CDH13: variants seen among roughly 807,000 people sequenced by gnomAD.
The protein encoded by CDH13 is cadherin 13, also known as cadherin-13.
In CDH13, 24 loss-of-function variants were observed where a neutral mutation model predicts 63.8. The ratio of observed to expected loss-of-function variants is 0.38; its 90% CI spans 0.27 to 0.53. The LOEUF is 0.53. CDH13 is among the 20% of genes least tolerant of loss of function. The pLI is 0.85. For synonymous variants in CDH13, 503 were observed against 355.3 expected (o/e 1.42, Z -4.67); for missense variants, 1,049 against 903.1 (o/e 1.16, Z -2.07).
chr16:83,449,797 G>A (rs776332756), intron 6 of CDH13, among the ~76,000 whole-genome samples: 3 of 152,164 alleles, frequency 2.0e-5, no homozygotes, highest in Admixed American at 6.5e-5. Context: ...GGACGTTAAC[G>A]CTGGGACGTA....
chr16:83,645,304 C>G (rs1716856913), intron 8 of CDH13, among the ~76,000 whole-genome samples: 1 of 152,168 alleles, frequency 6.6e-6, no homozygotes. Flanking sequence ...AGCAGAAAAT[C>G]AACTACTGCA....
At chr16:83,691,683 T>C (rs1436273123) in intron 10 of CDH13, among the ~76,000 whole-genome samples, 2 of 151,920 alleles carry the variant, frequency 1.3e-5, no homozygotes, top group Non-Finnish European at 2.9e-5. Context: ...ATATCCTGAG[T>C]CTATGCAGGC....
intron 2 of CDH13, among the ~76,000 whole-genome samples, chr16:83,031,128 C>G (rs1916268566): frequency 6.7e-6 from 1 of 149,272 alleles, no homozygotes; most frequent in African/African-American, 2.5e-5. Context: ...GTATACATTA[C>G]ATGCACATAT....
intron 6 of CDH13, among the ~76,000 whole-genome samples, chr16:83,437,414 G>A (rs1171617422): frequency 6.6e-6 from 1 of 152,200 alleles, no homozygotes; most frequent in Admixed American, 6.5e-5. Context: ...GGTGGCTCAT[G>A]CCTGTAATCT....
At chr16:83,106,475 A>T (rs949906298) in intron 3 of CDH13, among the ~76,000 whole-genome samples, 4 of 152,234 alleles carry the variant, frequency 2.6e-5, no homozygotes, top group African/African-American at 9.6e-5. Context: ...CAGGAAGCAG[A>T]GGTTGCGGTG....
chr16:82,907,002 C>T lies in CDH13; in HGVS notation c.157+48529C>T, dbSNP rs113373633. ...CCAAATAAGGTTGCATTCTGAGGTTCTGGATGAACATGGATTTTGGGGAGG... is the reference window on the plus strand; with the variant it reads ...CCAAATAAGGTTGCATTCTGAGGTTTTGGATGAACATGGATTTTGGGGAGG... On this transcript the variant is annotated intron_variant, in intron 2 of 13. Transcript: ENST00000567109. 3.2e-3 allele frequency among the ~76,000 whole-genome samples: 489 copies of T among 152,288 alleles called. 1 individual carries two copies. Among genetic ancestry groups the T allele is most frequent in the Non-Finnish European group, 5.0e-3 (343 of 68,024 alleles).
At chr16:83,334,171 T>C (rs1597774470) in intron 5 of CDH13, among the ~76,000 whole-genome samples, 1 of 152,222 alleles carries the variant, frequency 6.6e-6, no homozygotes, top group Non-Finnish European at 1.5e-5. Context: ...CCTTCGCTTC[T>C]TCCTCCCTCT....
chr16:82,748,895 A>G (rs2034293222), intron 1 of CDH13, among the ~76,000 whole-genome samples: 1 of 152,206 alleles, frequency 6.6e-6, no homozygotes, highest in African/African-American at 2.4e-5. Flanking sequence ...TCATCCCAAC[A>G]GATACCTGCA....
intron 7 of CDH13, among the ~76,000 whole-genome samples, chr16:83,520,926 C>A (rs1350611150): frequency 7.2e-5 from 11 of 152,146 alleles, no homozygotes; most frequent in Admixed American, 7.2e-4. Flanking sequence ...GGCTGCCCCA[C>A]CAAGAGAAGT....
intron 6 of CDH13, among the ~76,000 whole-genome samples, chr16:83,420,853 G>A (rs2071693870): frequency 6.6e-6 from 1 of 152,182 alleles, no homozygotes; most frequent in African/African-American, 2.4e-5. Flanking sequence ...AGAGTCCAAA[G>A]GCTGAAGAAT....
intron 3 of CDH13, among the ~76,000 whole-genome samples, chr16:83,111,801 T>A (rs2035070298): frequency 6.6e-6 from 1 of 152,162 alleles, no homozygotes; most frequent in South Asian, 2.1e-4. Context: ...ATTTCATAGT[T>A]TCATCATTTT....
chr16:82,940,803 T>G (rs1051661522), intron 2 of CDH13, among the ~76,000 whole-genome samples: 14 of 152,168 alleles, frequency 9.2e-5, no homozygotes, highest in African/African-American at 3.4e-4. Context: ...AACCCTTATT[T>G]GAGCTCTTGT....
At chr16:83,746,281 G>A (rs1006299217) in intron 10 of CDH13, among the ~76,000 whole-genome samples, 3 of 152,140 alleles carry the variant, frequency 2.0e-5, no homozygotes, top group African/African-American at 7.2e-5. Context: ...GGTGGCTGCA[G>A]CATTCCTTGG....
intron 4 of CDH13, among the ~76,000 whole-genome samples, chr16:83,135,191 C>T (rs1404946928): frequency 2.6e-5 from 4 of 152,202 alleles, no homozygotes; most frequent in East Asian, 3.9e-4. Context: ...GGCAATCCTA[C>T]ACTCATTTCT....
chr16:83,536,293 A>G (rs935248292), intron 7 of CDH13, among the ~76,000 whole-genome samples: 1 of 152,192 alleles, frequency 6.6e-6, no homozygotes, highest in Non-Finnish European at 1.5e-5. Flanking sequence ...AGATAGTACA[A>G]GGTAAGAGGG....
chr16:82,836,933 C>G (rs936664410), intron 1 of CDH13, among the ~76,000 whole-genome samples: 6 of 152,200 alleles, frequency 3.9e-5, no homozygotes, highest in Admixed American at 2.6e-4. Flanking sequence ...CTTGAAGAAT[C>G]TTATTGCCAA....
At chr16:82,859,536 T>C (rs2151168151) in intron 2 of CDH13, 1 of 149,912 alleles carries the variant, frequency 6.7e-6, no homozygotes, top group South Asian at 2.1e-4. Context: ...CCAACCTGGG[T>C]GACAGAGCGA....
intron 2 of CDH13, among the ~76,000 whole-genome samples, chr16:82,924,478 T>A (rs1222435488): frequency 5.3e-5 from 8 of 152,222 alleles, no homozygotes; most frequent in Admixed American, 5.2e-4. Flanking sequence ...TTTCGGGCTT[T>A]TTCTCAGCTG....
intron 13 of CDH13, among the ~76,000 whole-genome samples, chr16:83,785,595 T>G (rs1915827405): frequency 6.6e-6 from 1 of 152,108 alleles, no homozygotes; most frequent in Non-Finnish European, 1.5e-5. Flanking sequence ...ATTTCTAGAG[T>G]GTAGGAATGT....
Sources: allele counts gnomAD v4.1 joint callset (sites outside exome capture counted in the v4.1 genomes callset), GRCh38; gene constraint gnomAD v4.1.1; transcripts MANE v1.5; gene names NCBI Gene and HGNC (gene_info 2026-07-23, HGNC 2026-07-21).